ANTXR1: variants seen among roughly 807,000 people sequenced by gnomAD.
ANTXR1 encodes the protein ANTXR cell adhesion molecule 1.
Under a neutral mutation model 78.1 loss-of-function variants are expected in ANTXR1, and 19 were observed. The ratio of observed to expected loss-of-function variants is 0.24; its 90% CI spans 0.17 to 0.36. The LOEUF is 0.36. Among genes scored for constraint, ANTXR1 ranks in the 10% least tolerant of loss-of-function variants. The pLI, the probability that ANTXR1 is intolerant of heterozygous loss-of-function variation, is 1.00. For missense variants in ANTXR1, 518 were observed against 718.6 expected (o/e 0.72, Z 3.19); for synonymous variants, 273 against 260.5 (o/e 1.05, Z -0.46).
At chr2:69,090,831 T>C in intron 8 of ANTXR1, 28 bp from the exon 9 acceptor site, 2 of 1,610,824 alleles carry the variant, frequency 1.2e-6, no homozygotes, top group South Asian at 1.1e-5. Flanking sequence ...AAGCTGTGCA[T>C]TGACTCTTTT....
chr2:69,088,875 T>G (rs1014167529), intron 8 of ANTXR1, among the ~76,000 whole-genome samples: 1 of 152,136 alleles, frequency 6.6e-6, no homozygotes, highest in Non-Finnish European at 1.5e-5. Flanking sequence ...CTCAGTGTTT[T>G]CCCCAGGTGC....
intron 16 of ANTXR1, among the ~76,000 whole-genome samples, chr2:69,187,455 A>G (rs6723513): frequency 0.054 from 8,232 of 151,788 alleles, 738 homozygotes; most frequent in African/African-American, 0.19. Context: ...AATCTATCCT[A>G]TGCATGGCAT....
chr2:69,100,929 A>G (rs188594370), intron 9 of ANTXR1, among the ~76,000 whole-genome samples: 1 of 152,350 alleles, frequency 6.6e-6, no homozygotes, highest in African/African-American at 2.4e-5. Context: ...ACGTGTATGT[A>G]TAAATCCTTC....
intron 1 of ANTXR1, among the ~76,000 whole-genome samples, chr2:69,029,041 A>AC (rs58379246): frequency 0.048 from 6,560 of 136,500 alleles, 161 homozygotes; most frequent in South Asian, 0.068. Flanking sequence ...ACATGTTGAG[A>AC]CCCCCCCCCC....
chr2:69,100,455 C>T (rs1671572205), intron 9 of ANTXR1, among the ~76,000 whole-genome samples: 1 of 152,198 alleles, frequency 6.6e-6, no homozygotes, highest in Admixed American at 6.5e-5. Context: ...ATTGCCACAT[C>T]ATGGATTCCT....
intron 1 of ANTXR1, among the ~76,000 whole-genome samples, chr2:69,037,328 C>T (rs775345110): frequency 1.3e-4 from 20 of 152,096 alleles, no homozygotes; most frequent in Non-Finnish European, 1.8e-4. Flanking sequence ...TCTTTAAGAC[C>T]GATTGCCACC....
At chr2:69,055,774 G>C (rs1030616472) in intron 3 of ANTXR1, among the ~76,000 whole-genome samples, 19 of 152,016 alleles carry the variant, frequency 1.2e-4, no homozygotes, top group African/African-American at 4.6e-4. Context: ...AAAACATTAT[G>C]TGTCTCCTGT....
intron 13 of ANTXR1, among the ~76,000 whole-genome samples, chr2:69,167,478 A>G (rs528137501): frequency 1.5e-3 from 236 of 152,314 alleles, no homozygotes; most frequent in African/African-American, 5.3e-3. Context: ...TGGGTGGCCC[A>G]TGTGCTGGTC....
intron 10 of ANTXR1, among the ~76,000 whole-genome samples, chr2:69,114,797 G>A (rs1672089458): frequency 6.6e-6 from 1 of 152,150 alleles, no homozygotes; most frequent in Non-Finnish European, 1.5e-5. Flanking sequence ...TGCAAGGAGG[G>A]CTTTATCAAG....
chr2:69,021,899 T>C (rs1325629276), intron 1 of ANTXR1, among the ~76,000 whole-genome samples: 1 of 152,242 alleles, frequency 6.6e-6, no homozygotes, highest in East Asian at 1.9e-4. Flanking sequence ...TCAGACGTGA[T>C]GTTTCAAATA....
intron 17 of ANTXR1, among the ~76,000 whole-genome samples, chr2:69,216,452 TAC>T (rs1365879320): frequency 2.6e-5 from 4 of 152,108 alleles, no homozygotes; most frequent in Non-Finnish European, 4.4e-5. Flanking sequence ...TATATGTATA[TAC>T]ACACATATAT....
intron 17 of ANTXR1, among the ~76,000 whole-genome samples, chr2:69,203,759 A>T (rs1040353378): frequency 6.6e-6 from 1 of 151,858 alleles, no homozygotes. Flanking sequence ...TATCACCATC[A>T]TCATCATCAT....
intron 17 of ANTXR1, among the ~76,000 whole-genome samples, chr2:69,203,906 G>A (rs1674833991): frequency 6.6e-6 from 1 of 152,186 alleles, no homozygotes; most frequent in African/African-American, 2.4e-5. Flanking sequence ...AGAAGTAAAT[G>A]CTAAGGCTGA....
rs112780004 is a variant in ANTXR1 at position 69,107,641 on chromosome 2, C to T, written c.802+4701C>T. Among the ~76,000 whole-genome samples, 734 of 151,724 alleles carry T rather than the reference C, an allele frequency of 4.8e-3. 6 individuals carry two copies. Among genetic ancestry groups the T allele is most frequent in the African/African-American group, 0.017 (684 of 41,398 alleles). On this transcript the variant is annotated intron_variant, in intron 10 of 17. Coordinates refer to ENST00000303714, the MANE Select transcript of ANTXR1 (RefSeq NM_032208.3). ...AAAGTAGACAATATTTGAGATCAAG[C>T]TCGCTGATGACAAACATCTAAATCA... is the stretch of plus-strand genomic sequence containing the variant.
intron 13 of ANTXR1, among the ~76,000 whole-genome samples, chr2:69,153,295 T>C (rs1008977445): frequency 6.6e-6 from 1 of 152,204 alleles, no homozygotes; most frequent in East Asian, 1.9e-4. Flanking sequence ...TGTGTACAGC[T>C]CAACTGAACC....
At position 69,163,892 on chromosome 2, in the gene ANTXR1, TG is replaced by T. The variant is rs373863562; in HGVS notation, c.1048-6355del. 1.0e-3 allele frequency among the ~76,000 whole-genome samples: 158 copies of T among 152,308 alleles called. 1 individual carries two copies. The highest frequency in any genetic ancestry group is 6.8e-3 in the Middle Eastern group (2 of 294). ...TGTAATGGTTAATGTTATATGAAGT[TG>T]ACTATGAAGAACAAAAGACGAAAAA... On this transcript the variant is annotated intron_variant, in intron 13 of 17. Transcript: ENST00000303714.
intron 2 of ANTXR1, among the ~76,000 whole-genome samples, chr2:69,043,026 C>G (rs1669655274): frequency 6.6e-6 from 1 of 152,198 alleles, no homozygotes; most frequent in South Asian, 2.1e-4. Context: ...CTGAGGACTT[C>G]CAAATTATGC....
intron 9 of ANTXR1, among the ~76,000 whole-genome samples, chr2:69,096,540 G>T (rs1214819132): frequency 1.3e-5 from 2 of 151,930 alleles, no homozygotes; most frequent in African/African-American, 2.4e-5. Flanking sequence ...TCCAATCACT[G>T]CACTGGTGAA....
intron 12 of ANTXR1, among the ~76,000 whole-genome samples, chr2:69,132,292 C>T (rs986346868): frequency 6.6e-6 from 1 of 152,228 alleles, no homozygotes; most frequent in African/African-American, 2.4e-5. Flanking sequence ...ATAGAGGCCA[C>T]AGTGACTGCA....
Sources: gnomAD v4.1 joint callset for allele counts (sites outside exome capture counted in the v4.1 genomes callset) on GRCh38, gnomAD v4.1.1 for gene constraint, MANE v1.5 for transcripts, NCBI Gene and HGNC (gene_info 2026-07-23, HGNC 2026-07-21) for gene names.